Variants in VRTN observed in about 807,000 individuals in gnomAD.
VRTN encodes the protein vertnin.
A neutral mutation model predicts 18.2 loss-of-function variants in VRTN; 5 were observed. The observed-to-expected ratio is 0.27, with a 90% CI of 0.14 to 0.58. VRTN has a LOEUF of 0.58. Ranked by LOEUF, VRTN falls within the 20% of genes least tolerant of loss-of-function variation. VRTN has a pLI of 0.91. For synonymous variants in VRTN, 381 were observed against 393.7 expected (o/e 0.97, Z 0.38); for missense variants, 741 against 939.4 (o/e 0.79, Z 2.76).
intron 1 of VRTN, among the ~76,000 whole-genome samples, chr14:74,315,021 G>A (rs1014627941): frequency 3.3e-5 from 5 of 152,174 alleles, no homozygotes; most frequent in African/African-American, 4.8e-5. Context: ...AAGAAGAAGG[G>A]TTCTAGTTTC....
At chr14:74,319,528 G>C (rs754085067) in intron 1 of VRTN, among the ~76,000 whole-genome samples, 1 of 152,212 alleles carries the variant, frequency 6.6e-6, no homozygotes, top group Non-Finnish European at 1.5e-5. Flanking sequence ...GCAACTGAGT[G>C]AATGATGGTA....
chr14:74,336,524 A>C (rs548238114), intron 1 of VRTN, among the ~76,000 whole-genome samples: 1 of 152,300 alleles, frequency 6.6e-6, no homozygotes, highest in South Asian at 2.1e-4. Flanking sequence ...ATATATATAC[A>C]TACATAATAG....
intron 1 of VRTN, among the ~76,000 whole-genome samples, chr14:74,323,760 C>A (rs1265219646): frequency 6.6e-6 from 1 of 152,114 alleles, no homozygotes; most frequent in Admixed American, 6.6e-5. Context: ...GTCAGGGAAT[C>A]AGGAGACCTG....
Position 74,358,931 on chromosome 14 carries a change from G to A in VRTN, c.*39G>A, listed in dbSNP as rs1423521309. On this transcript the variant is annotated 3_prime_UTR_variant, in exon 2 of 2. Transcript: ENST00000256362. The surrounding 1 kb of genome is among the most constrained non-coding windows in gnomAD (Gnocchi z 5.4). ...AAGGGGCTGGGAAGAAGGGGGACCA[G>A]TTTGGAGAGGGTCAGGGACCTGAGC... is the stretch of plus-strand genomic sequence containing the variant. 1.9e-6 allele frequency: 3 copies of A among 1,570,992 alleles called. No homozygotes were observed. The highest frequency in any genetic ancestry group is 4.5e-5 in the East Asian group (2 of 44,502).
chr14:74,350,091 A>G (rs2085674234), intron 1 of VRTN, among the ~76,000 whole-genome samples: 1 of 152,090 alleles, frequency 6.6e-6, no homozygotes, highest in South Asian at 2.1e-4. Context: ...TTTGCATTGC[A>G]CTTCTAGGAA....
upstream of VRTN, among the ~76,000 whole-genome samples, chr14:74,345,346 A>ATTT (rs34124259): frequency 3.7e-4 from 35 of 94,650 alleles, no homozygotes; most frequent in Non-Finnish European, 4.8e-4. Flanking sequence ...CACCCTGCCT[A>ATTT]TTTTTTTTTT....
intron 1 of VRTN, among the ~76,000 whole-genome samples, chr14:74,348,905 A>G (rs918510231): frequency 3.6e-5 from 3 of 83,032 alleles, no homozygotes; most frequent in African/African-American, 1.4e-4. Context: ...CCGTCTGCCT[A>G]TCTCCCTTCC....
rs191046423 is a variant in VRTN at position 74,310,196 on chromosome 14, G to A, written c.-164+7020G>A. On this transcript the variant is annotated intron_variant, in intron 1 of 2. Transcript: ENST00000557177. ...GTGGATCACCTGAGGTTGGGAGTTC[G>A]AGACCAGCCTGACCAACATGGAGAA... 8.2e-3 allele frequency among the ~76,000 whole-genome samples: 1,240 copies of A among 152,040 alleles called. 10 individuals are homozygous for A. The highest frequency in any genetic ancestry group is 0.028 in the African/African-American group (1,177 of 41,494).
chr14:74,331,544 T>TTTTATA (rs1287566275), intron 1 of VRTN, among the ~76,000 whole-genome samples: 21 of 43,468 alleles, frequency 4.8e-4, no homozygotes, highest in African/African-American at 1.2e-3. Context: ...AAAAAAAATT[T>TTTTATA]TATATATATA....
chr14:74,318,331 C>T (rs951493055), intron 1 of VRTN, among the ~76,000 whole-genome samples: 3 of 151,622 alleles, frequency 2.0e-5, no homozygotes, highest in African/African-American at 4.8e-5. Context: ...AGCGCAATGG[C>T]GTGATCTCGG....
rs67857502 is a variant in VRTN at position 74,332,335 on chromosome 14, G to GTT, written c.-163-5348_-163-5347dup. On this transcript the variant is annotated intron_variant, in intron 1 of 2. Transcript: ENST00000557177. ...CCTCCGGAGGATCGACTCCTAATCT[G>GTT]TTTTTTTTTTTTTTTTTTTTTTTTT... Among the ~76,000 whole-genome samples the GTT allele has an allele frequency of 7.8e-4, 31 of 39,588 alleles. 4 individuals are homozygous for GTT. The highest frequency in any genetic ancestry group is 0.023 in the Middle Eastern group (1 of 44). 26.0% of individuals were successfully genotyped at this position (39,588 alleles called of 152,430 possible).
intron 1 of VRTN, among the ~76,000 whole-genome samples, chr14:74,353,874 C>T (rs758240506): frequency 1.1e-4 from 16 of 151,984 alleles, no homozygotes; most frequent in Non-Finnish European, 1.5e-4. Flanking sequence ...AGGCGCCCGC[C>T]AGCGTGCCCG....
intron 1 of VRTN, among the ~76,000 whole-genome samples, chr14:74,354,936 G>A (rs1485590462): frequency 6.6e-6 from 1 of 151,760 alleles, no homozygotes; most frequent in Non-Finnish European, 1.5e-5. Context: ...GAGGTCAGGA[G>A]TTTGAGACCA....
At chr14:74,355,519 T>TA (rs562044234) in intron 1 of VRTN, among the ~76,000 whole-genome samples, 107 of 149,460 alleles carry the variant, frequency 7.2e-4, no homozygotes, top group Middle Eastern at 3.4e-3. Context: ...TTCTTTTCTT[T>TA]AAAAAAAAAA....
At chr14:74,308,813 G>A (rs2085370726) in intron 1 of VRTN, among the ~76,000 whole-genome samples, 1 of 151,522 alleles carries the variant, frequency 6.6e-6, no homozygotes, top group South Asian at 2.1e-4. Flanking sequence ...ACTGCACCCT[G>A]CTCTTCAAGG....
intron 1 of VRTN, among the ~76,000 whole-genome samples, chr14:74,310,471 A>G (rs1283848351): frequency 6.7e-6 from 1 of 149,438 alleles, no homozygotes; most frequent in African/African-American, 2.5e-5. Context: ...GCCGGATTGC[A>G]TGGGTTCAAA....
intron 2 of VRTN, among the ~76,000 whole-genome samples, chr14:74,342,664 G>T: frequency 6.6e-6 from 1 of 151,824 alleles, no homozygotes; most frequent in African/African-American, 2.4e-5. Context: ...TTGAGACAGG[G>T]TCTCACTCTG....
chr14:74,348,353 G>A (rs544342470), upstream of VRTN: 1 of 152,322 alleles, frequency 6.6e-6, no homozygotes, highest in East Asian at 1.9e-4. Flanking sequence ...GACAATAGCT[G>A]CTATCACTTT....
At chr14:74,310,933 C>T (rs1018275029) in intron 1 of VRTN, among the ~76,000 whole-genome samples, 2 of 152,122 alleles carry the variant, frequency 1.3e-5, no homozygotes, top group African/African-American at 2.4e-5. Context: ...TCAAGCGTTC[C>T]TCCTGCCTTG....
Sources: allele counts gnomAD v4.1 joint callset (sites outside exome capture counted in the v4.1 genomes callset), GRCh38; gene constraint gnomAD v4.1.1; non-coding constraint Gnocchi (gnomAD v3.1); transcripts MANE v1.5; gene names NCBI Gene and HGNC (gene_info 2026-07-23, HGNC 2026-07-21).